The following DNAJC5 variants were observed in gnomAD, a reference collection of about 807,000 sequenced individuals.
DNAJC5 encodes DnaJ heat shock protein family (Hsp40) member C5.
In DNAJC5, 1 loss-of-function variant was observed where a neutral mutation model predicts 23.2. The ratio of observed to expected loss-of-function variants is 0.04; its 90% CI spans 0.02 to 0.20. The LOEUF is 0.20. DNAJC5 is among the 10% of genes least tolerant of loss of function. DNAJC5 has a pLI of 1.00. For missense variants in DNAJC5, 180 were observed against 267.0 expected, an observed-to-expected ratio of 0.67 and a Z score of 2.27; for synonymous variants, 136 against 120.0, an observed-to-expected ratio of 1.13 and a Z score of -0.87.
chr20:63,899,866 C>T (rs1488339432), intron 1 of DNAJC5, among the ~76,000 whole-genome samples: 1 of 149,588 alleles, frequency 6.7e-6, no homozygotes, highest in Non-Finnish European at 1.5e-5. Context: ...CAGGTGTGAG[C>T]CACTGCGCCT....
intron 1 of DNAJC5, among the ~76,000 whole-genome samples, chr20:63,912,730 C>G (rs1271733810): frequency 6.6e-6 from 1 of 152,188 alleles, no homozygotes; most frequent in East Asian, 1.9e-4. Flanking sequence ...GACTCAGCCT[C>G]ACGAGTAGCT....
chr20:63,911,492 G>A (rs2053482476), intron 1 of DNAJC5, among the ~76,000 whole-genome samples: 1 of 152,168 alleles, frequency 6.6e-6, no homozygotes, highest in African/African-American at 2.4e-5. Flanking sequence ...CGCTGCCATG[G>A]CTCCAGCTCA....
At chr20:63,901,799 T>C (rs901154130) in intron 1 of DNAJC5, among the ~76,000 whole-genome samples, 2 of 152,200 alleles carry the variant, frequency 1.3e-5, no homozygotes, top group Admixed American at 6.5e-5. Flanking sequence ...TGTAAGAAGG[T>C]TTCCCTAAGA....
In DNAJC5 at chr20:63,900,107, T is replaced by G. The variant is rs549339138; in HGVS notation, c.-12+4784T>G. On this transcript the variant is annotated intron_variant, in intron 1 of 4. Coordinates refer to ENST00000360864, the MANE Select transcript of DNAJC5 (RefSeq NM_025219.3). ...TTTTGCCATGTTGGCCAGGCTGGTC[T>G]TGAACTCCTGACCTCAGGTGATCCA... is the stretch of plus-strand genomic sequence containing the variant. Among the ~76,000 whole-genome samples the G allele has an allele frequency of 4.0e-5, 6 of 151,690 alleles. No homozygotes were observed. In the South Asian group the frequency reaches 1.0e-3, roughly 26 times the overall value.
chr20:63,918,538 T>C (rs547847851), intron 1 of DNAJC5, among the ~76,000 whole-genome samples: 4 of 152,376 alleles, frequency 2.6e-5, no homozygotes, highest in African/African-American at 7.2e-5. Context: ...AATTTTCCAG[T>C]TTTTAAATTA....
rs550830476 is a variant in DNAJC5 at position 63,929,971 on chromosome 20, G to A, written c.321+446G>A. On this transcript the variant is annotated intron_variant, in intron 3 of 4. Coordinates refer to ENST00000360864, the MANE Select transcript of DNAJC5 (RefSeq NM_025219.3). The surrounding 1 kb of genome is among the most constrained non-coding windows in gnomAD (Gnocchi z 8.6). ...TCCCAGGGAAGAGCCGTGCGGAGCC[G>A]CCAGGGTTTCTTCTGTAAATGGCTC... 5.3e-5 allele frequency among the ~76,000 whole-genome samples: 8 copies of A among 152,324 alleles called. No individual in the cohort carries two copies. Among genetic ancestry groups the A allele is most frequent in the Admixed American group, 4.6e-4 (7 of 15,304 alleles).
Position 63,934,291 on chromosome 20 carries a change from A to C in DNAJC5, c.*2723A>C, listed in dbSNP as rs76769576. 6.6e-6 allele frequency: 1 copy of C among 152,230 alleles called. No individual in the cohort carries two copies. Among genetic ancestry groups the C allele is most frequent in the African/African-American group, 2.4e-5 (1 of 41,450 alleles). The allele number at this position is 152,230 out of a possible 1,614,324, so 9.4% of individuals were successfully genotyped here. A position where few individuals can be genotyped will look rare whatever the true frequency, so the allele number is the denominator to read the frequency against. On this transcript the variant is annotated 3_prime_UTR_variant, in exon 5 of 5. Transcript: ENST00000360864. ...GGGCAGCTTCCGCGCCTCCCTGTCC[A>C]CGTGCTAACAGATCAGGACGCCCCC...
rs1025705858 is a variant in DNAJC5, at chr20:63,920,302, G to A, written c.-11-8033G>A. Among the ~76,000 whole-genome samples, 1 of 152,232 alleles carries A rather than the reference G, an allele frequency of 6.6e-6. No individual in the cohort carries two copies. The highest frequency in any genetic ancestry group is 2.1e-4 in the South Asian group (1 of 4,834). On this transcript the variant is annotated intron_variant, in intron 1 of 4. Transcript: ENST00000360864. This position sits in a 1 kb window ranked among gnomAD's most constrained non-coding sequence, Gnocchi z 4.6. ...TGCGTCAGGGGCTGACGTGGGACCC[G>A]GCACTCTGTGCTCTGTGTCTGCCCG... is the stretch of plus-strand genomic sequence containing the variant.
chr20:63,902,910 C>T (rs1188338198), intron 1 of DNAJC5, among the ~76,000 whole-genome samples: 1 of 151,814 alleles, frequency 6.6e-6, no homozygotes, highest in East Asian at 1.9e-4. Flanking sequence ...ATCTCCTGAC[C>T]TCGTGATCTG....
At chr20:63,914,772 C>T (rs1304885230) in intron 1 of DNAJC5, among the ~76,000 whole-genome samples, 3 of 151,970 alleles carry the variant, frequency 2.0e-5, no homozygotes, top group East Asian at 3.9e-4. Flanking sequence ...CCTGCCACCA[C>T]GCCCTGCTAA....
At chr20:63,911,149 A>G (rs149746669) in intron 1 of DNAJC5, among the ~76,000 whole-genome samples, 191 of 152,332 alleles carry the variant, frequency 1.3e-3, no homozygotes, top group African/African-American at 4.4e-3. Context: ...TGAATGCTCT[A>G]TTAGGACCTG....
rs1190705786 is a variant in DNAJC5, at chr20:63,932,840, T to C, written c.*1272T>C. On this transcript the variant is annotated 3_prime_UTR_variant, in exon 5 of 5. Coordinates refer to ENST00000360864, the MANE Select transcript of DNAJC5 (RefSeq NM_025219.3). This position sits in a 1 kb window ranked among gnomAD's most constrained non-coding sequence, Gnocchi z 4.4. Reference sequence around the variant, plus strand: ...CACGGAATCCACACGTGGACCATTGTGGGTCCCTTGGGAGGCCAGCAGCCA... The same window carrying C: ...CACGGAATCCACACGTGGACCATTGCGGGTCCCTTGGGAGGCCAGCAGCCA... The C allele has an allele frequency of 6.6e-6, 1 of 151,970 alleles. No individual in the cohort carries two copies. Among genetic ancestry groups the C allele is most frequent in the Non-Finnish European group, 1.5e-5 (1 of 68,028 alleles). The allele number at this position is 151,970 out of a possible 1,614,324, so 9.4% of individuals were successfully genotyped here.
chr20:63,906,389 C>G (rs1157200260), intron 1 of DNAJC5, among the ~76,000 whole-genome samples: 1 of 152,130 alleles, frequency 6.6e-6, no homozygotes, highest in African/African-American at 2.4e-5. Flanking sequence ...ACTCAGGAGG[C>G]TGAGGCAGGA....
At chr20:63,914,477 G>A (rs1414701433) in intron 1 of DNAJC5, among the ~76,000 whole-genome samples, 1 of 152,012 alleles carries the variant, frequency 6.6e-6, no homozygotes, top group Non-Finnish European at 1.5e-5. Context: ...ACCATACCTG[G>A]CTAATTTTTT....
chr20:63,917,513 A>G (rs1664980915), intron 1 of DNAJC5, among the ~76,000 whole-genome samples: 1 of 151,756 alleles, frequency 6.6e-6, no homozygotes, highest in Non-Finnish European at 1.5e-5. Flanking sequence ...TTGGCCTCTC[A>G]AAGTTCTGGG....
intron 1 of DNAJC5, among the ~76,000 whole-genome samples, chr20:63,896,375 C>G (rs964481568): frequency 6.6e-6 from 1 of 152,150 alleles, no homozygotes; most frequent in Non-Finnish European, 1.5e-5. Context: ...TCACTTGTGT[C>G]GGTGCTGTAG....
At chr20:63,898,346 C>T (rs6011208) in intron 1 of DNAJC5, among the ~76,000 whole-genome samples, 10,572 of 152,138 alleles carry the variant, frequency 0.069, 521 homozygotes, top group East Asian at 0.2. Context: ...GAATGTGATA[C>T]CCAGTTAGGA....
intron 1 of DNAJC5, among the ~76,000 whole-genome samples, chr20:63,926,973 A>G (rs779961252): frequency 3.3e-5 from 5 of 152,244 alleles, no homozygotes; most frequent in African/African-American, 4.8e-5. Context: ...TCTTTGAGCT[A>G]CATGTTAGCC....
chr20:63,895,999 C>T (rs576648039), intron 1 of DNAJC5, among the ~76,000 whole-genome samples: 1 of 152,236 alleles, frequency 6.6e-6, no homozygotes, highest in South Asian at 2.1e-4. Context: ...GTGCCGAAGC[C>T]ATGATTTCTC....
Sources: allele counts gnomAD v4.1 joint callset (sites outside exome capture counted in the v4.1 genomes callset), GRCh38; gene constraint gnomAD v4.1.1; non-coding constraint Gnocchi (gnomAD v3.1); transcripts MANE v1.5; gene names NCBI Gene and HGNC (gene_info 2026-07-23, HGNC 2026-07-21).